ZC3H13: variants seen among roughly 807,000 people sequenced by gnomAD.
ZC3H13 encodes zinc finger CCCH domain-containing protein 13.
In ZC3H13, 64 loss-of-function variants were observed where a neutral mutation model predicts 204.1. The ratio of observed to expected loss-of-function variants is 0.31; its 90% CI spans 0.26 to 0.39. ZC3H13 has a LOEUF of 0.39. ZC3H13 is among the 10% of genes least tolerant of loss of function. The pLI is 1.00. For synonymous variants in ZC3H13, 667 were observed against 693.7 expected (o/e 0.96, Z 0.60); for missense variants, 1,833 against 2,082.7 (o/e 0.88, Z 2.33).
chr13:45,967,205 A>G (rs1425982502), intron 15 of ZC3H13, among the ~76,000 whole-genome samples: 10 of 152,208 alleles, frequency 6.6e-5, no homozygotes, highest in African/African-American at 2.4e-4. Context: ...ATCTAAGAAA[A>G]GGATGTGATG....
At chr13:45,994,761 C>T (rs2040211271) in intron 8 of ZC3H13, among the ~76,000 whole-genome samples, 1 of 152,166 alleles carries the variant, frequency 6.6e-6, no homozygotes, top group Non-Finnish European at 1.5e-5. Context: ...TTACTACTTT[C>T]TGCTGGGGAT....
intron 4 of ZC3H13, among the ~76,000 whole-genome samples, chr13:46,021,820 T>C (rs1363890547): frequency 6.6e-6 from 1 of 151,930 alleles, no homozygotes; most frequent in Non-Finnish European, 1.5e-5. Context: ...ACATATTATG[T>C]GGAACATCAA....
chr13:46,042,785 A>C (rs2043680655), intron 3 of ZC3H13, among the ~76,000 whole-genome samples: 1 of 152,056 alleles, frequency 6.6e-6, no homozygotes, highest in Non-Finnish European at 1.5e-5. Context: ...GGTTGGATGC[A>C]ACATCAATAA....
intron 5 of ZC3H13, among the ~76,000 whole-genome samples, 194 bp downstream of exon 5, chr13:46,020,255 C>T (rs187945850): frequency 6.6e-6 from 1 of 152,216 alleles, no homozygotes. Flanking sequence ...ATATGCAATG[C>T]AAACCACTTT....
intron 4 of ZC3H13, among the ~76,000 whole-genome samples, chr13:46,032,050 A>T (rs1432303181): frequency 5.9e-5 from 9 of 152,208 alleles, no homozygotes; most frequent in Non-Finnish European, 1.2e-4. Flanking sequence ...ATGGACAAAT[A>T]AACAGAATAG....
intron 5 of ZC3H13, among the ~76,000 whole-genome samples, chr13:46,013,339 G>T (rs888220197): frequency 2.6e-5 from 4 of 151,920 alleles, no homozygotes; most frequent in Non-Finnish European, 4.4e-5. Context: ...GCTTGAACCC[G>T]GGAGACGGAG....
intron 8 of ZC3H13, among the ~76,000 whole-genome samples, chr13:45,990,209 C>A (rs561962762): frequency 4.8e-4 from 73 of 152,194 alleles, no homozygotes; most frequent in Middle Eastern, 6.8e-3. Flanking sequence ...CAGTAGCATC[C>A]CTCCCATTCC....
chr13:45,975,051 G>T (rs540894162), intron 12 of ZC3H13, among the ~76,000 whole-genome samples: 1 of 151,848 alleles, frequency 6.6e-6, no homozygotes, highest in African/African-American at 2.4e-5. Context: ...TTGCCATGTT[G>T]CCCAGGCTGG....
chr13:45,993,048 G>C (rs1264848801), intron 8 of ZC3H13, among the ~76,000 whole-genome samples: 3 of 151,972 alleles, frequency 2.0e-5, no homozygotes, highest in Non-Finnish European at 4.4e-5. Context: ...AGTTTCTCTG[G>C]AAAACCTTGA....
In ZC3H13 at chr13:45,967,405, T is replaced by C. The variant is rs574362346; in HGVS notation, c.4321+99A>G. 9 of 1,346,586 alleles carry C rather than the reference T, an allele frequency of 6.7e-6. No homozygotes were observed. In the South Asian group the frequency reaches 1.0e-4, roughly 15 times the overall value. 83.4% of individuals were successfully genotyped at this position (1,346,586 alleles called of 1,614,324 possible). A position where few individuals can be genotyped will look rare whatever the true frequency, so the allele number is the denominator to read the frequency against. On this transcript the variant is annotated intron_variant, in intron 15 of 18. Coordinates refer to ENST00000679008, the MANE Select transcript of ZC3H13 (RefSeq NM_001330564.2). ...TAGAAGAATGGAGAATGGAGTCAAT[T>C]TGCCCATTAGTGGGTGCCCTTTCAA...
intron 8 of ZC3H13, among the ~76,000 whole-genome samples, chr13:45,994,019 A>G (rs1488777330): frequency 6.6e-6 from 1 of 152,222 alleles, no homozygotes; most frequent in African/African-American, 2.4e-5. Context: ...GTCCACACTT[A>G]CGTGTGAGTT....
intron 6 of ZC3H13, 73 bp downstream of exon 6, chr13:46,011,342 A>G: frequency 7.2e-7 from 1 of 1,389,830 alleles, no homozygotes; most frequent in Non-Finnish European, 9.6e-7. Context: ...AGATGTAGCA[A>G]GAAGCTGAGT....
At chr13:46,044,338 A>C (rs1281421722) in intron 3 of ZC3H13, among the ~76,000 whole-genome samples, 1 of 152,080 alleles carries the variant, frequency 6.6e-6, no homozygotes, top group Admixed American at 6.5e-5. Flanking sequence ...TTACATCTTT[A>C]AATACCATAA....
intron 7 of ZC3H13, among the ~76,000 whole-genome samples, chr13:46,006,973 C>A (rs772602555): frequency 6.6e-6 from 1 of 151,792 alleles, no homozygotes; most frequent in African/African-American, 2.4e-5. Context: ...TCTTCTTATG[C>A]ACCCTAACAG....
Position 45,975,633 on chromosome 13 carries a change from TTCTC to T in ZC3H13, c.2114_2117del (p.Arg705AsnfsTer2), listed in dbSNP as rs2138023298. 1.3e-6 allele frequency: 2 copies of T among 1,584,252 alleles called. No homozygotes were observed. The highest frequency in any genetic ancestry group is 2.3e-5 in the South Asian group (2 of 88,152). ...GTTCCCTAGCACGCTCTCTTTCTAG[TTCTC>T]TCTCTTTTTCTCTTTCCCGATCCCG... On this transcript the variant is annotated frameshift_variant, in exon 12 of 19. Coordinates refer to ENST00000679008, the MANE Select transcript of ZC3H13 (RefSeq NM_001330564.2). LOFTEE classifies it high-confidence loss of function.
chr13:46,011,283 G>C, intron 6 of ZC3H13, 132 bp downstream of exon 6: 1 of 658,354 alleles, frequency 1.5e-6, no homozygotes, highest in Non-Finnish European at 2.4e-6. Flanking sequence ...ATATGGAGTA[G>C]TACATATACA....
chr13:45,975,299 C>T lies in ZC3H13; in HGVS notation c.2452G>A (p.Asp818Asn). 6.2e-7 allele frequency: 1 copy of T among 1,609,826 alleles called. No homozygotes were observed. The highest frequency in any genetic ancestry group is 8.5e-7 in the Non-Finnish European group (1 of 1,177,136). The change falls in exon 12 of 19, where the codon GAT becomes AAT. Residue 818 changes from aspartate to asparagine, a missense_variant. Physicochemically the swap from Asp to Asn is conservative, Grantham distance 23. Around this residue, in one of 5 missense-constraint regions of ZC3H13, gnomAD observed 1,574 missense variants for 1,757.2 expected, o/e 0.90. Coordinates refer to ENST00000679008, the MANE Select transcript of ZC3H13 (RefSeq NM_001330564.2). ...REDRNPRDGHDERKSKKRYRN... is the reference protein window; with the variant it reads ...REDRNPRDGHNERKSKKRYRN... ...TATTCTTACTTTGATTTTCTTTCATCATGTCCATCTCTTGGATTCCTATCT... is the reference window on the plus strand; with the variant it reads ...TATTCTTACTTTGATTTTCTTTCATTATGTCCATCTCTTGGATTCCTATCT...
chr13:45,982,025 A>T (rs142218557), intron 10 of ZC3H13, among the ~76,000 whole-genome samples: 37,528 of 150,192 alleles, frequency 0.25, 5,031 homozygotes, highest in South Asian at 0.32. Context: ...TAATAATAAT[A>T]AAATAATAAA....
chr13:46,017,110 C>T (rs771467286), intron 5 of ZC3H13, among the ~76,000 whole-genome samples: 6 of 151,786 alleles, frequency 4.0e-5, no homozygotes, highest in Admixed American at 1.3e-4. Context: ...ACTACACGTA[C>T]GACGTTAATG....
Sources: allele counts gnomAD v4.1 joint callset (sites outside exome capture counted in the v4.1 genomes callset), GRCh38; gene constraint gnomAD v4.1.1; regional missense constraint gnomAD v4.1.1; transcripts MANE v1.5; gene names NCBI Gene and HGNC (gene_info 2026-07-23, HGNC 2026-07-21).